CHCHD3: variants seen among roughly 807,000 people sequenced by gnomAD.
The protein encoded by CHCHD3 is coiled-coil-helix-coiled-coil-helix domain containing 3.
In CHCHD3, 20 loss-of-function variants were observed where a neutral mutation model predicts 38.2. The ratio of observed to expected loss-of-function variants is 0.52; its 90% CI spans 0.37 to 0.76. The LOEUF is 0.76. Among genes scored for constraint, CHCHD3 ranks in the 30% least tolerant of loss-of-function variants. The pLI is 0.00. For synonymous variants in CHCHD3, 82 were observed against 100.0 expected (o/e 0.82, Z 1.07); for missense variants, 245 against 279.2 (o/e 0.88, Z 0.87).
intron 2 of CHCHD3, among the ~76,000 whole-genome samples, chr7:133,044,583 G>A (rs1813923257): frequency 6.6e-6 from 1 of 152,206 alleles, no homozygotes; most frequent in African/African-American, 2.4e-5. Context: ...TCTGTCCTCA[G>A]ATAATCAGAA....
chr7:132,821,071 T>C (rs1807362053), intron 6 of CHCHD3, among the ~76,000 whole-genome samples: 1 of 152,246 alleles, frequency 6.6e-6, no homozygotes, highest in Admixed American at 6.5e-5. Context: ...ACACATGCTT[T>C]TAAGAGGCCT....
intron 2 of CHCHD3, among the ~76,000 whole-genome samples, chr7:133,050,100 A>T (rs1273097912): frequency 6.6e-6 from 1 of 151,958 alleles, no homozygotes; most frequent in Non-Finnish European, 1.5e-5. Context: ...TAATCCCAGC[A>T]CTTTGGGAGG....
At chr7:132,907,399 G>C (rs1809825288) in intron 4 of CHCHD3, among the ~76,000 whole-genome samples, 1 of 152,158 alleles carries the variant, frequency 6.6e-6, no homozygotes, top group Non-Finnish European at 1.5e-5. Context: ...AATAAGGACA[G>C]TAAATGCTGC....
chr7:132,798,312 G>A lies in CHCHD3; in HGVS notation c.525-1735C>T, dbSNP rs144088912. ...AAATACCTAAGAACAGAATTAAATAGAATCCCAGGAGTTTCCATGCTTTAA... is the reference window on the plus strand; with the variant it reads ...AAATACCTAAGAACAGAATTAAATAAAATCCCAGGAGTTTCCATGCTTTAA... On this transcript the variant is annotated intron_variant, in intron 6 of 7. Transcript: ENST00000262570. Among the ~76,000 whole-genome samples, 472 of 152,126 alleles carry A rather than the reference G, an allele frequency of 3.1e-3. 1 individual carries two copies. Among genetic ancestry groups the A allele is most frequent in the African/African-American group, 0.011 (455 of 41,496 alleles).
chr7:132,968,839 G>A (rs956736978), intron 4 of CHCHD3, among the ~76,000 whole-genome samples: 4 of 152,116 alleles, frequency 2.6e-5, no homozygotes, highest in African/African-American at 4.8e-5. Context: ...TCCCTTCCTC[G>A]TTGGATAGAA....
intron 5 of CHCHD3, among the ~76,000 whole-genome samples, chr7:132,868,653 T>C: frequency 6.6e-6 from 1 of 152,060 alleles, no homozygotes. Flanking sequence ...GAAATGAAAA[T>C]TTCATTTCTA....
chr7:132,815,495 C>A, intron 6 of CHCHD3: 1 of 450,722 alleles, frequency 2.2e-6, no homozygotes, highest in Non-Finnish European at 4.4e-6. Flanking sequence ...CCTGCAAATG[C>A]CAGTCACAGT....
chr7:132,913,543 C>T (rs760397039), intron 4 of CHCHD3, among the ~76,000 whole-genome samples: 1 of 152,206 alleles, frequency 6.6e-6, no homozygotes, highest in South Asian at 2.1e-4. Flanking sequence ...TCTGGCCACA[C>T]ACAAGAGTAC....
intron 2 of CHCHD3, 38 bp from the exon 3 acceptor site, chr7:133,024,665 G>A (rs760794693): frequency 1.4e-6 from 2 of 1,424,840 alleles, no homozygotes; most frequent in Admixed American, 3.4e-5. Context: ...TAAAATAGGT[G>A]ACTTCTTAAA....
At chr7:133,046,798 C>T (rs1365012005) in intron 2 of CHCHD3, among the ~76,000 whole-genome samples, 1 of 152,244 alleles carries the variant, frequency 6.6e-6, no homozygotes, top group South Asian at 2.1e-4. Flanking sequence ...CTCCTGACCT[C>T]GTGATCTGCC....
At chr7:133,053,398 T>C (rs1814225406) in intron 2 of CHCHD3, among the ~76,000 whole-genome samples, 2 of 152,190 alleles carry the variant, frequency 1.3e-5, no homozygotes, top group Admixed American at 1.3e-4. Flanking sequence ...CCTCTGCCTC[T>C]CTCTGGTCTA....
At chr7:132,914,088 T>C (rs1056602683) in intron 4 of CHCHD3, among the ~76,000 whole-genome samples, 11 of 150,318 alleles carry the variant, frequency 7.3e-5, no homozygotes, top group African/African-American at 2.7e-4. Flanking sequence ...GCCTCCCGAG[T>C]AGCTGGGATT....
At chr7:133,034,407 G>A (rs1813589652) in intron 2 of CHCHD3, among the ~76,000 whole-genome samples, 1 of 150,922 alleles carries the variant, frequency 6.6e-6, no homozygotes, top group Non-Finnish European at 1.5e-5. Flanking sequence ...AGAATAAATG[G>A]TAAGAAAGCA....
intron 3 of CHCHD3, among the ~76,000 whole-genome samples, chr7:132,991,683 T>C (rs1461013686): frequency 6.6e-6 from 1 of 152,156 alleles, no homozygotes; most frequent in African/African-American, 2.4e-5. Context: ...TTGAATGCTT[T>C]GACTTTCCCC....
At chr7:133,030,239 T>A (rs548385769) in intron 2 of CHCHD3, among the ~76,000 whole-genome samples, 129 of 152,280 alleles carry the variant, frequency 8.5e-4, no homozygotes, top group Non-Finnish European at 1.5e-3. Context: ...TTTAAATCAA[T>A]AGAATACATA....
At chr7:132,956,988 G>A (rs558434802) in intron 4 of CHCHD3, among the ~76,000 whole-genome samples, 53 of 152,318 alleles carry the variant, frequency 3.5e-4, no homozygotes, top group African/African-American at 1.2e-3. Flanking sequence ...ACCCAGCAGA[G>A]GGAGAGAGCT....
intron 5 of CHCHD3, among the ~76,000 whole-genome samples, chr7:132,847,985 C>A (rs1034792808): frequency 6.6e-6 from 1 of 152,146 alleles, no homozygotes; most frequent in Non-Finnish European, 1.5e-5. Context: ...AAGAACAAGA[C>A]GATTGCCTGT....
At chr7:132,998,735 T>C (rs1025803975) in intron 3 of CHCHD3, among the ~76,000 whole-genome samples, 1 of 152,190 alleles carries the variant, frequency 6.6e-6, no homozygotes, top group African/African-American at 2.4e-5. Context: ...TCAGATCAAA[T>C]AATGACTTGT....
intron 5 of CHCHD3, among the ~76,000 whole-genome samples, chr7:132,873,247 A>C (rs936759843): frequency 6.6e-6 from 1 of 152,110 alleles, no homozygotes; most frequent in Non-Finnish European, 1.5e-5. Flanking sequence ...GCACCAGCTA[A>C]GAATCCCAGG....
Sources: allele counts gnomAD v4.1 joint callset (sites outside exome capture counted in the v4.1 genomes callset), GRCh38; gene constraint gnomAD v4.1.1; transcripts MANE v1.5; gene names NCBI Gene and HGNC (gene_info 2026-07-23, HGNC 2026-07-21).